The following USP35 variants were observed in gnomAD, a reference collection of about 807,000 sequenced individuals.
USP35 encodes ubiquitin carboxyl-terminal hydrolase 35.
USP35 carries 69 observed loss-of-function variants against 83.8 expected under a neutral mutation model. That is an observed-to-expected ratio of 0.82 (90% CI 0.68 to 1.01). The LOEUF (loss-of-function observed/expected upper bound fraction) is 1.01. USP35 is among the 50% of genes least tolerant of loss of function. The pLI is 0.00. For missense variants in USP35, 1,503 were observed against 1,362.5 expected (o/e 1.10, Z -1.62); for synonymous variants, 714 against 589.5 (o/e 1.21, Z -3.06).
chr11:78,210,028 A>C lies in USP35; in HGVS notation c.2173A>C (p.Lys725Gln), dbSNP rs1863690341. 1 of 1,613,536 alleles carries C rather than the reference A, an allele frequency of 6.2e-7. No homozygotes were observed. Among genetic ancestry groups the C allele is most frequent in the Non-Finnish European group, 8.5e-7 (1 of 1,179,832 alleles). Reference protein sequence around the residue: ...EEEKVEKETEKEAEQEKEEDS... With the variant: ...EEEKVEKETEQEAEQEKEEDS... ...AGAGAAGGTGGAGAAGGAGACAGAA[A>C]AGGAGGCTGAGCAGGAAAAGGAAGA... Residue 725 changes from lysine (K) to glutamine (Q), a missense_variant, in exon 10 of 11, where the codon AAG becomes CAG. Lys to Gln is a moderately conservative substitution (Grantham distance 53). Coordinates refer to ENST00000529308, the MANE Select transcript of USP35 (RefSeq NM_020798.4).
At chr11:78,219,487 C>T (rs185401044), downstream of USP35, 2,327 of 1,407,902 alleles carry the variant, frequency 1.7e-3, 4 homozygotes, top group Non-Finnish European at 2.1e-3. Context: ...AAGGTGGGCA[C>T]GGGATCTTCC....
the USP35 span, chr11:78,223,378 T>C: frequency 6.7e-7 from 1 of 1,485,976 alleles, no homozygotes; most frequent in Non-Finnish European, 9.0e-7. Context: ...CTAGCCACTG[T>C]CCAGAGATGG....
At chr11:78,215,427 C>G (rs975793496), downstream of USP35, 4 of 152,424 alleles carry the variant, frequency 2.6e-5, no homozygotes, top group Non-Finnish European at 5.9e-5. Context: ...CCTGTCCCAC[C>G]CACCGGATAA....
At chr11:78,223,482 G>T in the USP35 span, 1 of 1,605,868 alleles carries the variant, frequency 6.2e-7, no homozygotes, top group Non-Finnish European at 8.5e-7. Context: ...TGGGGCCTCG[G>T]TGCACAGGAA....
intron 6 of USP35, 116 bp from the exon 7 acceptor site, chr11:78,205,726 G>T: frequency 8.9e-7 from 1 of 1,125,940 alleles, no homozygotes; most frequent in South Asian, 1.5e-5. Context: ...GTGGGGGGGT[G>T]TGCCTGGGAG....
rs508861 is a variant in USP35, at chr11:78,210,280, C to T, written c.2425C>T (p.Leu809=). 3.1e-6 allele frequency: 5 copies of T among 1,614,142 alleles called. No individual in the cohort carries two copies. The East Asian group carries it at 1.1e-4, about 36-fold the overall frequency. The change falls in exon 10 of 11, where the codon CTG becomes TTG. Residue 809 remains leucine (L), a synonymous_variant. Coordinates refer to ENST00000529308, the MANE Select transcript of USP35 (RefSeq NM_020798.4). ...GCCGTGCTACCTCATCCTCACACTG[C>T]TGCGCTTCTCTTTCGACCTGCGCAC... ...QGPCYLILTL[L]RFSFDLRTMR... is the part of the protein sequence containing the mutation.
In USP35 at chr11:78,214,082, C is replaced by A. The variant is rs1189181869; in HGVS notation, c.*269C>A. On this transcript the variant is annotated 3_prime_UTR_variant, in exon 11 of 11. Transcript: ENST00000529308. ...ATGGGCACACACGGGTCTTTGCCTC[C>A]CCCTCCTTCCCTAGCAGGCTCCCCA... 2.8e-6 allele frequency: 1 copy of A among 363,324 alleles called. No homozygotes were observed. Among genetic ancestry groups the A allele is most frequent in the Non-Finnish European group, 4.9e-6 (1 of 203,310 alleles). The allele number at this position is 363,324 out of a possible 1,614,324, so 22.5% of individuals were successfully genotyped here.
chr11:78,199,526 C>T (rs1472719570), intron 3 of USP35, 69 bp from the exon 4 acceptor site: 2 of 1,605,220 alleles, frequency 1.2e-6, no homozygotes, highest in Non-Finnish European at 1.7e-6. Context: ...ACGGATAGCC[C>T]CTGGGCTGCC....
chr11:78,195,031 C>T (rs1453501113), intron 1 of USP35, among the ~76,000 whole-genome samples: 2 of 152,062 alleles, frequency 1.3e-5, no homozygotes, highest in Non-Finnish European at 2.9e-5. Flanking sequence ...ACACAAAGGC[C>T]CAGGGGCAGA....
the USP35 span, among the ~76,000 whole-genome samples, chr11:78,232,291 C>G: frequency 1.3e-5 from 2 of 152,308 alleles, no homozygotes; most frequent in South Asian, 2.1e-4. Flanking sequence ...AATGAAATTT[C>G]ACTCCTAGTA....
the USP35 span, among the ~76,000 whole-genome samples, chr11:78,225,703 T>C: frequency 3.3e-5 from 5 of 152,180 alleles, no homozygotes; most frequent in African/African-American, 1.2e-4. Flanking sequence ...GAGCTGGGAC[T>C]CTAGGGTCTG....
At chr11:78,226,504 T>C in the USP35 span, 2 of 1,610,934 alleles carry the variant, frequency 1.2e-6, no homozygotes, top group African/African-American at 1.3e-5. Flanking sequence ...GGGAGGGTGT[T>C]GCGTCTGGGG....
the USP35 span, chr11:78,223,346 C>G: frequency 3.0e-6 from 4 of 1,350,268 alleles, no homozygotes; most frequent in East Asian, 1.0e-4. Context: ...CCACATGACC[C>G]CTAAGCAAAT....
chr11:78,232,107 A>G, the USP35 span, among the ~76,000 whole-genome samples: 1 of 152,204 alleles, frequency 6.6e-6, no homozygotes, highest in African/African-American at 2.4e-5. Context: ...GTGAAACTAA[A>G]AGTTGTATAT....
chr11:78,214,101 C>G lies in USP35; in HGVS notation c.*288C>G. ...TGCCTCCCCCTCCTTCCCTAGCAGG[C>G]TCCCCATGCGGGAAGATCTGATGAT... On this transcript the variant is annotated 3_prime_UTR_variant, in exon 11 of 11. Coordinates refer to ENST00000529308, the MANE Select transcript of USP35 (RefSeq NM_020798.4). 3.0e-6 allele frequency: 1 copy of G among 330,818 alleles called. No individual in the cohort carries two copies. The highest frequency in any genetic ancestry group is 5.5e-6 in the Non-Finnish European group (1 of 182,602). The allele number at this position is 330,818 out of a possible 1,614,324, so 20.5% of individuals were successfully genotyped here. A position where few individuals can be genotyped will look rare whatever the true frequency, so the allele number is the denominator to read the frequency against.
At chr11:78,223,720 G>A in the USP35 span, 1 of 1,475,106 alleles carries the variant, frequency 6.8e-7, no homozygotes, top group African/African-American at 1.4e-5. Flanking sequence ...TTACTAGCAA[G>A]AAGAAACAGG....
At position 78,200,719 on chromosome 11, in the gene USP35, C is replaced by T. The variant is rs1437052701; in HGVS notation, c.1108C>T (p.Leu370=). 4 of 1,614,170 alleles carry T rather than the reference C, an allele frequency of 2.5e-6. No individual in the cohort carries two copies. Among genetic ancestry groups the T allele is most frequent in the Admixed American group, 1.7e-5 (1 of 60,020 alleles). Residue 370 remains leucine (L), a synonymous_variant, in exon 6 of 11, where the codon CTG becomes TTG. Transcript: ENST00000529308. ...KEDSNSGTSC[L]EQLAELVHCM... is the part of the protein sequence containing the mutation. Reference sequence around the variant, plus strand: ...GGACTCGAACTCGGGGACCAGCTGCCTGGAGCAGCTGGCGGAGCTGGTCCA... The same window carrying T: ...GGACTCGAACTCGGGGACCAGCTGCTTGGAGCAGCTGGCGGAGCTGGTCCA...
chr11:78,215,947 G>C (rs1480269050), downstream of USP35: 1 of 152,702 alleles, frequency 6.5e-6, no homozygotes, highest in Non-Finnish European at 1.5e-5. Context: ...AGTAACTTCA[G>C]AATGGTTGTG....
At chr11:78,223,715 A>G in the USP35 span, 5 of 1,517,434 alleles carry the variant, frequency 3.3e-6, no homozygotes, top group Middle Eastern at 1.8e-4. Context: ...AGCTGTTACT[A>G]GCAAGAAGAA....
Sources: gnomAD v4.1 joint callset for allele counts (sites outside exome capture counted in the v4.1 genomes callset) on GRCh38, gnomAD v4.1.1 for gene constraint, MANE v1.5 for transcripts, NCBI Gene and HGNC (gene_info 2026-07-23, HGNC 2026-07-21) for gene names.